The following ERC1 variants were observed in gnomAD, a reference collection of about 807,000 sequenced individuals.
ERC1 encodes ELKS/RAB6-interacting/CAST family member 1.
ERC1 carries 56 observed loss-of-function variants against 132.0 expected under a neutral mutation model. The ratio of observed to expected loss-of-function variants is 0.42; its 90% CI spans 0.34 to 0.53. The LOEUF (loss-of-function observed/expected upper bound fraction) is 0.53. Ranked by LOEUF, ERC1 falls within the 20% of genes least tolerant of loss-of-function variation. The pLI, the probability that ERC1 is intolerant of heterozygous loss-of-function variation, is 0.03. For missense variants in ERC1, 1,202 were observed against 1,349.9 expected, an observed-to-expected ratio of 0.89 and a Z score of 1.72; for synonymous variants, 478 against 476.1, an observed-to-expected ratio of 1.00 and a Z score of -0.05.
intron 7 of ERC1, among the ~76,000 whole-genome samples, chr12:1,136,983 T>A (rs73591893): frequency 0.041 from 6,286 of 152,246 alleles, 422 homozygotes; most frequent in African/African-American, 0.14. Context: ...TTTATGCTGG[T>A]ATTCTTTGGT....
At chr12:1,224,883 TG>T (rs2074430665) in intron 12 of ERC1, among the ~76,000 whole-genome samples, 1 of 151,928 alleles carries the variant, frequency 6.6e-6, no homozygotes, top group Non-Finnish European at 1.5e-5. Flanking sequence ...CCCGGCTACT[TG>T]GGAGGCTGAC....
intron 8 of ERC1, among the ~76,000 whole-genome samples, chr12:1,171,800 G>T (rs1953094636): frequency 6.6e-6 from 1 of 152,112 alleles, no homozygotes; most frequent in Non-Finnish European, 1.5e-5. Flanking sequence ...CAGTGATTTG[G>T]GCCTCAAAGG....
At chr12:1,093,213 G>A (rs1001498628) in intron 3 of ERC1, among the ~76,000 whole-genome samples, 4 of 152,120 alleles carry the variant, frequency 2.6e-5, no homozygotes, top group Admixed American at 1.3e-4. Flanking sequence ...CCCAAAAGCC[G>A]AGAGGTAAAA....
At chr12:1,052,476 G>C (rs983234417) in intron 2 of ERC1, among the ~76,000 whole-genome samples, 6 of 151,974 alleles carry the variant, frequency 3.9e-5, no homozygotes, top group Non-Finnish European at 8.8e-5. Context: ...TTGAGTACAA[G>C]GAATAAAAAA....
chr12:1,367,416 G>A (rs919478149), intron 15 of ERC1, among the ~76,000 whole-genome samples: 2 of 152,116 alleles, frequency 1.3e-5, no homozygotes, highest in Non-Finnish European at 1.5e-5. Context: ...GAGGAGGAGC[G>A]AATAATAAAC....
At chr12:1,485,201 C>CTTTTCTTTTTTT (rs2094187033) in intron 18 of ERC1, among the ~76,000 whole-genome samples, 3 of 96,378 alleles carry the variant, frequency 3.1e-5, no homozygotes, top group African/African-American at 1.3e-4. Flanking sequence ...GTTTATATTT[C>CTTTTCTTTTTTT]TTTTTTTTTT....
rs573629285 is a variant in ERC1 at position 1,138,803 on chromosome 12, A to T, written c.1570-2817A>T. ...GTACATTGGGACCGTCTGACCATGG[A>T]GGACCTTGAATTCCCTGCTGTGATC... On this transcript the variant is annotated intron_variant, in intron 7 of 18. Transcript: ENST00000360905. Among the ~76,000 whole-genome samples the T allele has an allele frequency of 2.7e-3, 408 of 152,286 alleles. 2 individuals carry two copies. Among genetic ancestry groups the T allele is most frequent in the African/African-American group, 9.6e-3 (399 of 41,560 alleles).
intron 1 of ERC1, among the ~76,000 whole-genome samples, chr12:1,016,713 C>G (rs1043591797): frequency 6.8e-6 from 1 of 146,864 alleles, no homozygotes; most frequent in Non-Finnish European, 1.5e-5. Context: ...GGTGCGATCT[C>G]GATCTCGGCT....
chr12:1,331,550 A>G (rs2082862003), intron 15 of ERC1, among the ~76,000 whole-genome samples: 1 of 152,176 alleles, frequency 6.6e-6, no homozygotes, highest in Non-Finnish European at 1.5e-5. Context: ...CCACTCACAG[A>G]GCCGGTAGAT....
At chr12:1,196,093 G>C (rs1956203902) in intron 12 of ERC1, among the ~76,000 whole-genome samples, 1 of 152,062 alleles carries the variant, frequency 6.6e-6, no homozygotes, top group Non-Finnish European at 1.5e-5. Flanking sequence ...TCCTCACTGT[G>C]CTGATTTTGG....
intron 15 of ERC1, among the ~76,000 whole-genome samples, chr12:1,330,623 C>G (rs910681042): frequency 1.3e-5 from 2 of 152,068 alleles, no homozygotes; most frequent in Non-Finnish European, 2.9e-5. Context: ...CTCCCTTCTT[C>G]TCTCTTCCCC....
rs900091756 is a variant in ERC1 at position 1,490,622 on chromosome 12, C to G, written c.*392C>G. On this transcript the variant is annotated 3_prime_UTR_variant, in exon 19 of 19. Transcript: ENST00000360905. ...AGGAATGGACTTGGAGTTCAACAGG[C>G]TGAGAGGATGCCTCCAATGGACCAG... 3.9e-6 allele frequency: 1 copy of G among 254,732 alleles called. No homozygotes were observed. The highest frequency in any genetic ancestry group is 2.1e-5 in the African/African-American group (1 of 46,552). The allele number at this position is 254,732 out of a possible 1,614,324, so 15.8% of individuals were successfully genotyped here.
At chr12:1,092,838 G>A (rs949141043) in intron 3 of ERC1, among the ~76,000 whole-genome samples, 1 of 152,204 alleles carries the variant, frequency 6.6e-6, no homozygotes, top group Non-Finnish European at 1.5e-5. Context: ...GTGCACGCCT[G>A]TAATCCCAGC....
At chr12:1,446,645 G>A (rs1054669968) in intron 18 of ERC1, among the ~76,000 whole-genome samples, 16 of 152,236 alleles carry the variant, frequency 1.1e-4, no homozygotes, top group Non-Finnish European at 1.8e-4. Context: ...GTGAAAACCC[G>A]CAAGTCAAGA....
intron 3 of ERC1, among the ~76,000 whole-genome samples, chr12:1,094,019 G>GA (rs1164032807): frequency 1.1e-5 from 1 of 90,344 alleles, no homozygotes; most frequent in Admixed American, 1.5e-4. Context: ...AATTTAAAAA[G>GA]AAATTTTTTT....
intron 1 of ERC1, among the ~76,000 whole-genome samples, chr12:1,025,973 T>C (rs1966863793): frequency 6.6e-6 from 1 of 152,078 alleles, no homozygotes; most frequent in Admixed American, 6.6e-5. Context: ...ATTTTTGTAC[T>C]TTTAGTGAGA....
At chr12:1,147,538 C>T (rs1950493131) in intron 8 of ERC1, among the ~76,000 whole-genome samples, 1 of 152,130 alleles carries the variant, frequency 6.6e-6, no homozygotes, top group African/African-American at 2.4e-5. Flanking sequence ...TTATTAGGCA[C>T]AATAACATGT....
intron 15 of ERC1, among the ~76,000 whole-genome samples, chr12:1,303,948 C>G (rs1359825648): frequency 2.0e-5 from 2 of 101,256 alleles, no homozygotes; most frequent in African/African-American, 5.2e-5. Flanking sequence ...AGCAAAACTC[C>G]ATCTCAGAAA....
At chr12:1,063,387 G>A (rs571471605) in intron 2 of ERC1, among the ~76,000 whole-genome samples, 3 of 151,972 alleles carry the variant, frequency 2.0e-5, no homozygotes, top group Admixed American at 6.6e-5. Flanking sequence ...CAGCCTCCTG[G>A]GTATCTGGGA....
Sources: gnomAD v4.1 joint callset for allele counts (sites outside exome capture counted in the v4.1 genomes callset) on GRCh38, gnomAD v4.1.1 for gene constraint, MANE v1.5 for transcripts, NCBI Gene and HGNC (gene_info 2026-07-23, HGNC 2026-07-21) for gene names.